The following CLINT1 variants were observed in gnomAD, a reference collection of about 807,000 sequenced individuals.
CLINT1 encodes the protein clathrin interactor 1.
A neutral mutation model predicts 70.4 loss-of-function variants in CLINT1; 15 were observed. The observed-to-expected ratio is 0.21, with a 90% CI of 0.14 to 0.33. The LOEUF (loss-of-function observed/expected upper bound fraction) is 0.33, where lower values mean the gene tolerates loss of function less well. Among genes scored for constraint, CLINT1 ranks in the 10% least tolerant of loss-of-function variants. The pLI is 1.00. For missense variants in CLINT1, 615 were observed against 778.1 expected, an observed-to-expected ratio of 0.79 and a Z score of 2.49; for synonymous variants, 227 against 254.7, an observed-to-expected ratio of 0.89 and a Z score of 1.04.
intron 1 of CLINT1, among the ~76,000 whole-genome samples, chr5:157,838,122 GT>G (rs199515235): frequency 0.13 from 16,414 of 129,576 alleles, 699 homozygotes; most frequent in African/African-American, 0.22. Context: ...AGGTTTTTTT[GT>G]TTTTTTTTTT....
intron 8 of CLINT1, among the ~76,000 whole-genome samples, chr5:157,798,627 A>C (rs1762130153): frequency 6.6e-6 from 1 of 152,214 alleles, no homozygotes; most frequent in Admixed American, 6.5e-5. Flanking sequence ...ATAATACACA[A>C]GTTTTAGAAT....
Position 157,787,485 on chromosome 5 carries a change from C to T in CLINT1, c.*161G>A. 1 of 668,174 alleles carries T rather than the reference C, an allele frequency of 1.5e-6. No homozygotes were observed. 41.4% of individuals were successfully genotyped at this position (668,174 alleles called of 1,614,324 possible). ...TGCTCTTGCCTGGCCCTCTGAAATA[C>T]TGGATATTTCACTTTTATAAAACAG... On this transcript the variant is annotated 3_prime_UTR_variant, in exon 12 of 12. Coordinates refer to ENST00000411809, the MANE Select transcript of CLINT1 (RefSeq NM_014666.4).
intron 8 of CLINT1, among the ~76,000 whole-genome samples, chr5:157,800,304 T>C (rs1042657497): frequency 2.6e-5 from 4 of 152,154 alleles, no homozygotes; most frequent in African/African-American, 9.7e-5. Context: ...AGATGCCATA[T>C]CTGCTTAGCT....
chr5:157,822,623 A>G (rs1762912292), intron 1 of CLINT1, among the ~76,000 whole-genome samples: 1 of 152,224 alleles, frequency 6.6e-6, no homozygotes, highest in Non-Finnish European at 1.5e-5. Flanking sequence ...ATTAGTGTTC[A>G]TCGTAGCCCT....
chr5:157,848,899 T>G (rs898718026), intron 1 of CLINT1, among the ~76,000 whole-genome samples: 2 of 152,002 alleles, frequency 1.3e-5, no homozygotes, highest in Non-Finnish European at 2.9e-5. Flanking sequence ...TAACTTCAAG[T>G]GATCTACCCA....
intron 7 of CLINT1, among the ~76,000 whole-genome samples, chr5:157,804,898 G>A (rs1316838543): frequency 6.6e-6 from 1 of 151,872 alleles, no homozygotes; most frequent in Non-Finnish European, 1.5e-5. Flanking sequence ...TTGCACTCTA[G>A]CCTGGGCAAC....
At chr5:157,844,045 T>C (rs1753286516) in intron 1 of CLINT1, among the ~76,000 whole-genome samples, 1 of 152,152 alleles carries the variant, frequency 6.6e-6, no homozygotes, top group Non-Finnish European at 1.5e-5. Context: ...TACCATCTCT[T>C]TGTGAACTCA....
chr5:157,812,288 T>A lies in CLINT1; in HGVS notation c.517+775A>T, dbSNP rs11958738. On this transcript the variant is annotated intron_variant, in intron 5 of 11. Transcript: ENST00000411809. ...GAGCTGGAGAGCCTCAGTGAACAGC[T>A]GCTAAGATACACAGCACTGGCCAGT... 2.7e-3 allele frequency among the ~76,000 whole-genome samples: 414 copies of A among 152,266 alleles called. 1 individual carries two copies. The highest frequency in any genetic ancestry group is 9.7e-3 in the African/African-American group (401 of 41,552).
Position 157,789,624 on chromosome 5 carries a change from A to G in CLINT1, c.1381-111T>C, listed in dbSNP as rs901325508. On this transcript the variant is annotated intron_variant, in intron 10 of 11. Coordinates refer to ENST00000411809, the MANE Select transcript of CLINT1 (RefSeq NM_014666.4). ...GCATCTGTTCTATAAAAATTATCAGATGGCAATTTAATCACAACAATGAAC... is the reference window on the plus strand; with the variant it reads ...GCATCTGTTCTATAAAAATTATCAGGTGGCAATTTAATCACAACAATGAAC... 2.1e-6 allele frequency: 3 copies of G among 1,401,008 alleles called. No homozygotes were observed. In the African/African-American group the frequency reaches 4.3e-5, roughly 20 times the overall value. 86.8% of individuals were successfully genotyped at this position (1,401,008 alleles called of 1,614,324 possible).
At chr5:157,819,252 G>T (rs1351295387) in intron 1 of CLINT1, among the ~76,000 whole-genome samples, 1 of 152,106 alleles carries the variant, frequency 6.6e-6, no homozygotes, top group Non-Finnish European at 1.5e-5. Flanking sequence ...CTGGCTTTCA[G>T]ATTTAAATTC....
chr5:157,809,146 G>T (rs1050208475), intron 6 of CLINT1: 1 of 152,560 alleles, frequency 6.6e-6, no homozygotes, highest in African/African-American at 2.4e-5. Context: ...ATACAGGGAA[G>T]ATTAGCATGC....
intron 1 of CLINT1, among the ~76,000 whole-genome samples, chr5:157,834,918 C>T (rs751009420): frequency 2.0e-5 from 3 of 152,064 alleles, no homozygotes; most frequent in East Asian, 1.9e-4. Context: ...ACTCCATATA[C>T]GCAAATTTGC....
chr5:157,809,595 C>T, intron 6 of CLINT1, 33 bp downstream of exon 6: 1 of 1,546,218 alleles, frequency 6.5e-7, no homozygotes, highest in Non-Finnish European at 8.7e-7. Flanking sequence ...AGGGCTCTTT[C>T]TAAGAGACCC....
intron 6 of CLINT1, among the ~76,000 whole-genome samples, chr5:157,806,816 A>T (rs1762399100): frequency 6.6e-6 from 1 of 152,136 alleles, no homozygotes; most frequent in African/African-American, 2.4e-5. Context: ...ACATTCAACA[A>T]TTTTTTCTTT....
intron 7 of CLINT1, among the ~76,000 whole-genome samples, chr5:157,804,796 G>A (rs1762337803): frequency 6.6e-6 from 1 of 151,972 alleles, no homozygotes; most frequent in African/African-American, 2.4e-5. Flanking sequence ...GCATGGTGGT[G>A]CATGCCTGTA....
intron 5 of CLINT1, among the ~76,000 whole-genome samples, chr5:157,812,331 G>T (rs1414661231): frequency 6.6e-6 from 1 of 152,136 alleles, no homozygotes; most frequent in Non-Finnish European, 1.5e-5. Flanking sequence ...TACACAAAAT[G>T]AGCAAGAGAT....
chr5:157,788,738 C>T (rs377722720), intron 11 of CLINT1, among the ~76,000 whole-genome samples: 4 of 152,148 alleles, frequency 2.6e-5, no homozygotes, highest in African/African-American at 7.2e-5. Context: ...GAGGCCAAGG[C>T]GAGTGGATCA....
chr5:157,846,776 T>A, intron 1 of CLINT1, among the ~76,000 whole-genome samples: 1 of 152,182 alleles, frequency 6.6e-6, no homozygotes, highest in Non-Finnish European at 1.5e-5. Flanking sequence ...GAGCCAGTGC[T>A]CACTGCACAT....
intron 1 of CLINT1, among the ~76,000 whole-genome samples, chr5:157,830,757 C>CCTCTCTCCCT (rs1763202593): frequency 1.1e-5 from 1 of 87,408 alleles, no homozygotes; most frequent in Non-Finnish European, 2.1e-5. Context: ...CCTCTCTCTC[C>CCTCTCTCCCT]CTCTCTCTCT....
Sources: allele counts gnomAD v4.1 joint callset (sites outside exome capture counted in the v4.1 genomes callset), GRCh38; gene constraint gnomAD v4.1.1; transcripts MANE v1.5; gene names NCBI Gene and HGNC (gene_info 2026-07-23, HGNC 2026-07-21).